The following RBM28 variants were observed in gnomAD, a reference collection of about 807,000 sequenced individuals.
RBM28 encodes the protein RNA-binding protein 28.
A neutral mutation model predicts 98.3 loss-of-function variants in RBM28; 78 were observed. The ratio of observed to expected loss-of-function variants is 0.79; its 90% CI spans 0.66 to 0.96. The LOEUF (loss-of-function observed/expected upper bound fraction) is 0.96, where lower values mean the gene tolerates loss of function less well. RBM28 is among the 40% of genes least tolerant of loss of function. The pLI, the probability that RBM28 is intolerant of heterozygous loss-of-function variation, is 0.00. For synonymous variants in RBM28, 306 were observed against 330.9 expected, an observed-to-expected ratio of 0.92 and a Z score of 0.82; for missense variants, 838 against 913.0, an observed-to-expected ratio of 0.92 and a Z score of 1.06.
At position 128,338,775 on chromosome 7, in the gene RBM28, T is replaced by C; in HGVS notation, c.399A>G (p.Val133=). The C allele has an allele frequency of 6.2e-7, 1 of 1,611,760 alleles. No homozygotes were observed. The highest frequency in any genetic ancestry group is 8.5e-7 in the Non-Finnish European group (1 of 1,177,928). The part of the protein sequence containing the change: ...FKCSEDDLKT[V]FAQFGAVLEV... ...CCAGGACAGCTCCAAATTGAGCAAA[T>C]ACTGTCTTCAAGTCATCTTCTGAAC... Residue 133 remains valine, a synonymous_variant, in exon 4 of 19, where the codon GTA becomes GTG. Coordinates refer to ENST00000223073, the MANE Select transcript of RBM28 (RefSeq NM_018077.3).
rs534073592 is a variant in RBM28, at chr7:128,309,483, T to C, written c.*1314A>G. The C allele has an allele frequency of 5.3e-5, 8 of 151,592 alleles. No homozygotes were observed. Among genetic ancestry groups the C allele is most frequent in the Admixed American group, 5.3e-4 (8 of 15,228 alleles). 9.4% of individuals were successfully genotyped at this position (151,592 alleles called of 1,614,324 possible). ...CCCCATCTCTACTAAAAATACAAAATTTAGCCAAGAATGGTGGCGTGCACC... is the reference window on the plus strand; with the variant it reads ...CCCCATCTCTACTAAAAATACAAAACTTAGCCAAGAATGGTGGCGTGCACC... On this transcript the variant is annotated 3_prime_UTR_variant, in exon 19 of 19. Coordinates refer to ENST00000223073, the MANE Select transcript of RBM28 (RefSeq NM_018077.3).
intron 9 of RBM28, among the ~76,000 whole-genome samples, chr7:128,331,331 TAAAAAA>T (rs34522896): frequency 2.9e-5 from 4 of 139,426 alleles, no homozygotes; most frequent in Middle Eastern, 7.2e-3. Context: ...TGTTATACCT[TAAAAAA>T]AAAAAAAAAA....
intron 13 of RBM28, among the ~76,000 whole-genome samples, chr7:128,323,302 T>C (rs1796275841): frequency 6.6e-6 from 1 of 152,194 alleles, no homozygotes; most frequent in African/African-American, 2.4e-5. Flanking sequence ...GGGAAACAAA[T>C]AATAAGACAC....
In RBM28 at chr7:128,302,139, G is replaced by A. The variant is rs1795789828; in HGVS notation, c.*8658C>T. On this transcript the variant is annotated 3_prime_UTR_variant, in exon 19 of 19. Coordinates refer to ENST00000223073, the MANE Select transcript of RBM28 (RefSeq NM_018077.3). ...AGGTGCTCAGTAATTGTTAGCTGTT[G>A]TTATTAACCATTATGTGAGTTTAGA... 2.6e-5 allele frequency: 4 copies of A among 152,244 alleles called. No individual in the cohort carries two copies. The highest frequency in any genetic ancestry group is 2.6e-4 in the Admixed American group (4 of 15,280). 9.4% of individuals were successfully genotyped at this position (152,244 alleles called of 1,614,324 possible). A position where few individuals can be genotyped will look rare whatever the true frequency, so the allele number is the denominator to read the frequency against.
intron 5 of RBM28, 67 bp downstream of exon 5, chr7:128,338,183 G>T: frequency 8.5e-7 from 1 of 1,172,634 alleles, no homozygotes; most frequent in Non-Finnish European, 1.3e-6. Context: ...CAGAAAGTGG[G>T]TTACTACACT....
intron 9 of RBM28, among the ~76,000 whole-genome samples, chr7:128,331,823 A>G (rs1391500819): frequency 1.3e-5 from 2 of 152,218 alleles, no homozygotes; most frequent in African/African-American, 2.4e-5. Context: ...ACAGTCCCTA[A>G]TAAGTATCTG....
rs1354942326 is a variant in RBM28, at chr7:128,303,345, T to G, written c.*7452A>C. 1 of 152,214 alleles carries G rather than the reference T, an allele frequency of 6.6e-6. No homozygotes were observed. The highest frequency in any genetic ancestry group is 2.4e-5 in the African/African-American group (1 of 41,452). 9.4% of individuals were successfully genotyped at this position (152,214 alleles called of 1,614,324 possible). A position where few individuals can be genotyped will look rare whatever the true frequency, so the allele number is the denominator to read the frequency against. ...CCCCACATCCTGCTTTCATCAGCTC[T>G]AAGACTAGGTGGTGACATCTGCTTC... is the stretch of plus-strand genomic sequence containing the variant. On this transcript the variant is annotated 3_prime_UTR_variant, in exon 19 of 19. Transcript: ENST00000223073.
At position 128,343,786 on chromosome 7, in the gene RBM28, C is replaced by G; in HGVS notation, c.8G>C (p.Gly3Ala). ...GAGGCGGCCCACAAATAAGGTCAGGCCGGCCATGAGACCGGGAAACCCAAA... is the reference window on the plus strand; with the variant it reads ...GAGGCGGCCCACAAATAAGGTCAGGGCGGCCATGAGACCGGGAAACCCAAA... MA[G>A]LTLFVGRLPP... The change falls in exon 1 of 19, where the codon GGC becomes GCC. Residue 3 changes from glycine (G) to alanine (A), a missense_variant. Gly to Ala is a moderately conservative substitution (Grantham distance 60). Transcript: ENST00000223073. 6.2e-7 allele frequency: 1 copy of G among 1,600,066 alleles called. No homozygotes were observed. The highest frequency in any genetic ancestry group is 1.1e-5 in the South Asian group (1 of 89,340).
intron 15 of RBM28, 85 bp downstream of exon 15, chr7:128,317,872 T>A: frequency 6.3e-7 from 1 of 1,578,334 alleles, no homozygotes; most frequent in Non-Finnish European, 8.7e-7. Flanking sequence ...CCCTCAAATG[T>A]CAGAGGACAC....
chr7:128,329,888 C>CAAA (rs398006204), intron 10 of RBM28, among the ~76,000 whole-genome samples: 2,711 of 101,396 alleles, frequency 0.027, 458 homozygotes, highest in Non-Finnish European at 0.036. Context: ...GACTCCGTCT[C>CAAA]AAAAAAAAAA....
chr7:128,333,595 A>G (rs1227877041), intron 8 of RBM28, among the ~76,000 whole-genome samples: 5 of 152,100 alleles, frequency 3.3e-5, no homozygotes, highest in African/African-American at 1.2e-4. Context: ...GCAGGCACCT[A>G]TAGTCCCAGC....
chr7:128,333,240 G>C, intron 9 of RBM28, 50 bp downstream of exon 9: 1 of 1,398,444 alleles, frequency 7.2e-7, no homozygotes, highest in Non-Finnish European at 1.0e-6. Flanking sequence ...AGAAGGAAGA[G>C]AGATCTATGA....
In RBM28 at chr7:128,331,004, T is replaced by C. The variant is rs377095442; in HGVS notation, c.1020-76A>G. On this transcript the variant is annotated intron_variant, in intron 9 of 18. Transcript: ENST00000223073. ...ATCCTATGTTCCAGGACAATGTAAG[T>C]GAGTTAGATATCAACTCTCCCTTGT... 311 of 976,754 alleles carry C rather than the reference T, an allele frequency of 3.2e-4. 1 individual carries two copies. In the African/African-American group the frequency reaches 4.6e-3, roughly 14 times the overall value. The allele number at this position is 976,754 out of a possible 1,614,324, so 60.5% of individuals were successfully genotyped here. A position where few individuals can be genotyped will look rare whatever the true frequency, so the allele number is the denominator to read the frequency against.
intron 5 of RBM28, 97 bp from the exon 6 acceptor site, chr7:128,337,299 G>A: frequency 7.3e-6 from 9 of 1,237,596 alleles, no homozygotes; most frequent in Non-Finnish European, 1.1e-5. Context: ...TGGAACCAGT[G>A]GAGACAAAGA....
At chr7:128,317,277 A>G (rs1051223155) in intron 16 of RBM28, among the ~76,000 whole-genome samples, 2 of 152,186 alleles carry the variant, frequency 1.3e-5, no homozygotes, top group African/African-American at 2.4e-5. Flanking sequence ...AACAGTACTA[A>G]AACTATCAGG....
chr7:128,327,395 G>C (rs1463599212), intron 10 of RBM28, among the ~76,000 whole-genome samples: 1 of 152,100 alleles, frequency 6.6e-6, no homozygotes, highest in Non-Finnish European at 1.5e-5. Flanking sequence ...AGAAAGCCAG[G>C]AGCTCAATTC....
chr7:128,332,184 G>C (rs1227722177), intron 9 of RBM28, among the ~76,000 whole-genome samples: 1 of 152,134 alleles, frequency 6.6e-6, no homozygotes, highest in Admixed American at 6.5e-5. Context: ...ATGCAGTTAG[G>C]TGAGAAAATG....
rs1464485700 is a variant in RBM28, at chr7:128,325,750, T to C, written c.1203+68A>G. The stretch of plus-strand genomic sequence containing the variant: ...AAATAATAATAAAGCTTTGTATAAA[T>C]ACCAGATGTTGCCCCTAAGAGCCAA... On this transcript the variant is annotated intron_variant, in intron 11 of 18. Coordinates refer to ENST00000223073, the MANE Select transcript of RBM28 (RefSeq NM_018077.3). 16 of 1,029,732 alleles carry C rather than the reference T, an allele frequency of 1.6e-5. No homozygotes were observed. In the East Asian group the frequency reaches 3.4e-4, roughly 22 times the overall value. 63.8% of individuals were successfully genotyped at this position (1,029,732 alleles called of 1,614,324 possible). A position where few individuals can be genotyped will look rare whatever the true frequency, so the allele number is the denominator to read the frequency against.
At chr7:128,317,219 C>T (rs773430932) in intron 16 of RBM28, among the ~76,000 whole-genome samples, 11 of 152,176 alleles carry the variant, frequency 7.2e-5, no homozygotes, top group Non-Finnish European at 1.2e-4. Flanking sequence ...CATGAGTACA[C>T]GTATTCCTAA....
Sources: allele counts gnomAD v4.1 joint callset (sites outside exome capture counted in the v4.1 genomes callset), GRCh38; gene constraint gnomAD v4.1.1; transcripts MANE v1.5; gene names NCBI Gene and HGNC (gene_info 2026-07-23, HGNC 2026-07-21).